Variants in SLAMF6 observed in about 807,000 individuals in gnomAD.
SLAMF6 encodes SLAM family member 6, also known as NK-T-B-antigen.
Under a neutral mutation model 38.3 loss-of-function variants are expected in SLAMF6, and 21 were observed. The observed-to-expected ratio is 0.55, with a 90% CI of 0.39 to 0.79. The LOEUF (loss-of-function observed/expected upper bound fraction) is 0.79, where lower values mean the gene tolerates loss of function less well. Among genes scored for constraint, SLAMF6 ranks in the 30% least tolerant of loss-of-function variants. The pLI is 0.00. For missense variants in SLAMF6, 341 were observed against 385.3 expected (o/e 0.89, Z 0.96); for synonymous variants, 152 against 146.3 (o/e 1.04, Z -0.28).
intron 1 of SLAMF6, among the ~76,000 whole-genome samples, chr1:160,508,233 G>A (rs1654289976): frequency 6.6e-6 from 1 of 152,106 alleles, no homozygotes; most frequent in African/African-American, 2.4e-5. Flanking sequence ...AAAGCTAGAG[G>A]CATCTCACTA....
At chr1:160,492,208 T>C (rs1312169677) in intron 2 of SLAMF6, among the ~76,000 whole-genome samples, 1 of 152,176 alleles carries the variant, frequency 6.6e-6, no homozygotes, top group Non-Finnish European at 1.5e-5. Flanking sequence ...AGCCTTGGCC[T>C]GAGGTTTGAA....
At chr1:160,505,587 GA>G (rs1654141482) in intron 1 of SLAMF6, among the ~76,000 whole-genome samples, 1 of 152,064 alleles carries the variant, frequency 6.6e-6, no homozygotes, top group Non-Finnish European at 1.5e-5. Flanking sequence ...ATATTTTGTA[GA>G]GATGCAGTTT....
intron 1 of SLAMF6, among the ~76,000 whole-genome samples, chr1:160,511,765 A>G (rs1057038612): frequency 2.0e-5 from 3 of 152,172 alleles, no homozygotes. Flanking sequence ...CCCACTGAGA[A>G]GAACGAAAAC....
intron 1 of SLAMF6, among the ~76,000 whole-genome samples, chr1:160,505,205 G>C (rs1332684410): frequency 6.6e-6 from 1 of 152,058 alleles, no homozygotes; most frequent in South Asian, 2.1e-4. Context: ...CCCAGAGCAA[G>C]GAACAAAACA....
At chr1:160,508,770 C>T (rs192910812) in intron 1 of SLAMF6, among the ~76,000 whole-genome samples, 15 of 151,614 alleles carry the variant, frequency 9.9e-5, no homozygotes, top group East Asian at 3.9e-4. Context: ...TCTGACCAAG[C>T]GCTAATATCT....
chr1:160,501,961 G>A (rs568404196), intron 1 of SLAMF6, among the ~76,000 whole-genome samples: 1 of 152,090 alleles, frequency 6.6e-6, no homozygotes, highest in Non-Finnish European at 1.5e-5. Flanking sequence ...AACTAGATTT[G>A]AGACAATATG....
chr1:160,505,627 C>T (rs914369378), intron 1 of SLAMF6, among the ~76,000 whole-genome samples: 12 of 152,060 alleles, frequency 7.9e-5, no homozygotes, highest in African/African-American at 2.9e-4. Context: ...GGTTTGAACT[C>T]CTGGGCTCAA....
chr1:160,516,985 G>T (rs1654775362), intron 1 of SLAMF6, among the ~76,000 whole-genome samples: 1 of 152,106 alleles, frequency 6.6e-6, no homozygotes, highest in Admixed American at 6.5e-5. Context: ...GAAAGCAATT[G>T]CAACAAAAGC....
chr1:160,509,255 A>C (rs1654346190), intron 1 of SLAMF6, among the ~76,000 whole-genome samples: 1 of 152,262 alleles, frequency 6.6e-6, no homozygotes, highest in South Asian at 2.1e-4. Flanking sequence ...GAACCAACCC[A>C]AATGTCCAAC....
Position 160,504,991 on chromosome 1 carries a change from C to G in SLAMF6, c.50-8598G>C, listed in dbSNP as rs914849951. ...GCCTGTCTAGGCATTAAAGGAGTGC[C>G]CCAAAACAGAGCCAATCTGCAAAGA... On this transcript the variant is annotated intron_variant, in intron 1 of 7. Coordinates refer to ENST00000368057, the MANE Select transcript of SLAMF6 (RefSeq NM_001184714.2). Among the ~76,000 whole-genome samples the G allele has an allele frequency of 3.0e-4, 45 of 152,212 alleles. 1 individual carries two copies. Among genetic ancestry groups the G allele is most frequent in the Non-Finnish European group, 1.9e-4 (13 of 68,016 alleles).
rs1242359901 is a variant in SLAMF6 at position 160,490,697 on chromosome 1, A to G, written c.647-12T>C. The G allele has an allele frequency of 6.2e-7, 1 of 1,611,220 alleles. No homozygotes were observed. The highest frequency in any genetic ancestry group is 1.7e-5 in the Admixed American group (1 of 59,406). On this transcript the variant is annotated splice_polypyrimidine_tract_variant and intron_variant, in intron 3 of 7. Coordinates refer to ENST00000368057, the MANE Select transcript of SLAMF6 (RefSeq NM_001184714.2). ...TTGAATTTTAACATCTGAAAAGAGA[A>G]AAAAGAAATGACATTTGAGACACAT...
rs1652967399 is a variant in SLAMF6 at position 160,486,457 on chromosome 1, T to C, written c.*250A>G. Reference sequence around the variant, plus strand: ...AGAGAGTCAATGTGCTGGTGTGTTATCTTTAGCATGTTTTGGCCTGAAGTG... The same window carrying C: ...AGAGAGTCAATGTGCTGGTGTGTTACCTTTAGCATGTTTTGGCCTGAAGTG... On this transcript the variant is annotated 3_prime_UTR_variant, in exon 8 of 8. Transcript: ENST00000368057. 1 of 463,402 alleles carries C rather than the reference T, an allele frequency of 2.2e-6. No individual in the cohort carries two copies. Among genetic ancestry groups the C allele is most frequent in the Admixed American group, 3.7e-5 (1 of 27,168 alleles). 28.7% of individuals were successfully genotyped at this position (463,402 alleles called of 1,614,324 possible).
intron 1 of SLAMF6, among the ~76,000 whole-genome samples, chr1:160,503,483 T>C (rs1313443284): frequency 1.3e-5 from 2 of 152,094 alleles, no homozygotes; most frequent in Non-Finnish European, 2.9e-5. Context: ...ATAGCACTTG[T>C]AGCCCAGGAA....
intron 1 of SLAMF6, among the ~76,000 whole-genome samples, chr1:160,513,354 A>G (rs2102061557): frequency 6.6e-6 from 1 of 152,352 alleles, no homozygotes. Context: ...TCTGAGAATT[A>G]TGGGATTATG....
At position 160,513,797 on chromosome 1, in the gene SLAMF6, CA is replaced by C. The variant is rs1654612174; in HGVS notation, c.49+9346del. On this transcript the variant is annotated intron_variant, in intron 1 of 7. Transcript: ENST00000368057. ...AGCAAAGGAGAAATAAAATATTTTT[CA>C]GACAATCAAATGCTGAGGGAATTCA... Among the ~76,000 whole-genome samples the C allele has an allele frequency of 2.0e-5, 3 of 152,176 alleles. No homozygotes were observed. The South Asian group carries it at 6.2e-4, about 32-fold the overall frequency.
chr1:160,488,215 A>G (rs1653073408), intron 6 of SLAMF6, among the ~76,000 whole-genome samples: 1 of 151,842 alleles, frequency 6.6e-6, no homozygotes, highest in African/African-American at 2.4e-5. Context: ...GTGGGAAATT[A>G]GTTTTTTGAT....
intron 1 of SLAMF6, among the ~76,000 whole-genome samples, chr1:160,507,378 A>C (rs1431983929): frequency 2.0e-5 from 3 of 152,132 alleles, no homozygotes; most frequent in African/African-American, 7.2e-5. Context: ...CAACAGCCCC[A>C]AAATATATAA....
chr1:160,509,521 G>A (rs1654361995), intron 1 of SLAMF6, among the ~76,000 whole-genome samples: 1 of 152,032 alleles, frequency 6.6e-6, no homozygotes, highest in South Asian at 2.1e-4. Context: ...GGGAGCTGGG[G>A]GAGGGATAGC....
intron 2 of SLAMF6, among the ~76,000 whole-genome samples, chr1:160,494,551 T>C (rs1309858410): frequency 6.6e-6 from 1 of 152,176 alleles, no homozygotes; most frequent in African/African-American, 2.4e-5. Context: ...AAAAAGGGTC[T>C]TTGCAGATGG....
Sources: gnomAD v4.1 joint callset for allele counts (sites outside exome capture counted in the v4.1 genomes callset) on GRCh38, gnomAD v4.1.1 for gene constraint, MANE v1.5 for transcripts, NCBI Gene and HGNC (gene_info 2026-07-23, HGNC 2026-07-21) for gene names.